Variants in DCP1B observed in about 807,000 individuals in gnomAD.
DCP1B encodes the protein decapping mRNA 1B, also known as mRNA-decapping enzyme 1B.
DCP1B carries 47 observed loss-of-function variants against 60.5 expected under a neutral mutation model. The observed-to-expected ratio is 0.78, with a 90% CI of 0.61 to 0.99. The LOEUF (loss-of-function observed/expected upper bound fraction) is 0.99, where lower values mean the gene tolerates loss of function less well. DCP1B is among the 50% of genes least tolerant of loss of function. The pLI is 0.00. For synonymous variants in DCP1B, 267 were observed against 280.3 expected, an observed-to-expected ratio of 0.95 and a Z score of 0.47; for missense variants, 725 against 756.8, an observed-to-expected ratio of 0.96 and a Z score of 0.49.
At chr12:1,999,592 G>A (rs6489342) in intron 1 of DCP1B, among the ~76,000 whole-genome samples, 23,587 of 151,962 alleles carry the variant, frequency 0.16, 1,925 homozygotes, top group East Asian at 0.21. Context: ...CAGGTGTGGT[G>A]GCACATGCCG....
At chr12:1,994,715 A>G (rs1279029186) in intron 2 of DCP1B, among the ~76,000 whole-genome samples, 1 of 152,244 alleles carries the variant, frequency 6.6e-6, no homozygotes, top group East Asian at 1.9e-4. Flanking sequence ...GTTTTCATAC[A>G]AGAATGAGAA....
At chr12:1,968,655 G>C (rs1488749805) in intron 3 of DCP1B, among the ~76,000 whole-genome samples, 1 of 152,086 alleles carries the variant, frequency 6.6e-6, no homozygotes, top group Non-Finnish European at 1.5e-5. Context: ...ATTATGCCTA[G>C]AAGCCTCCCT....
intron 7 of DCP1B, chr12:1,949,965 C>T (rs1387330420): frequency 4.2e-6 from 1 of 235,692 alleles, no homozygotes; most frequent in Non-Finnish European, 8.4e-6. Flanking sequence ...CTGAGTCTAA[C>T]TCCCTTGGCA....
At chr12:1,967,992 CA>C in intron 3 of DCP1B, 82 bp from the exon 4 acceptor site, 1 of 1,067,902 alleles carries the variant, frequency 9.4e-7, no homozygotes, top group South Asian at 1.4e-5. Flanking sequence ...ATCTTAAATA[CA>C]TAATAATCTA....
chr12:2,002,488 T>C (rs899460030), intron 1 of DCP1B, among the ~76,000 whole-genome samples: 1 of 152,248 alleles, frequency 6.6e-6, no homozygotes, highest in African/African-American at 2.4e-5. Flanking sequence ...ACATAACTCC[T>C]GTAATTAATG....
intron 3 of DCP1B, among the ~76,000 whole-genome samples, chr12:1,975,071 A>G (rs929717527): frequency 6.6e-6 from 1 of 152,196 alleles, no homozygotes; most frequent in African/African-American, 2.4e-5. Context: ...TTGACATAGC[A>G]GTAGTCTAGC....
At position 1,995,122 on chromosome 12, in the gene DCP1B, T is replaced by TA. The variant is rs1286998968; in HGVS notation, c.192-1732dup. Among the ~76,000 whole-genome samples the TA allele has an allele frequency of 2.0e-5, 3 of 152,278 alleles. No homozygotes were observed. The South Asian group carries it at 6.2e-4, about 32-fold the overall frequency. ...TTAATTGAGAGTTCCATTAGAGACTTAGAGTATAGTAAGAAATCCTTGAAA... is the reference window on the plus strand; with the variant it reads ...TTAATTGAGAGTTCCATTAGAGACTTAAGAGTATAGTAAGAAATCCTTGAAA... On this transcript the variant is annotated intron_variant, in intron 2 of 8. Coordinates refer to ENST00000280665, the MANE Select transcript of DCP1B (RefSeq NM_152640.5).
intron 3 of DCP1B, among the ~76,000 whole-genome samples, chr12:1,987,918 C>T (rs1860621956): frequency 2.6e-5 from 4 of 152,184 alleles, no homozygotes; most frequent in Admixed American, 2.6e-4. Context: ...CATATCATCA[C>T]CAAACTCTTA....
intron 1 of DCP1B, 110 bp downstream of exon 1, chr12:2,004,171 TC>T: frequency 6.8e-7 from 1 of 1,478,578 alleles, no homozygotes; most frequent in Non-Finnish European, 9.1e-7. Flanking sequence ...TCCACCCACT[TC>T]CAGGGCGTCA....
intron 2 of DCP1B, among the ~76,000 whole-genome samples, chr12:1,994,004 T>G (rs956618551): frequency 4.6e-5 from 7 of 152,166 alleles, no homozygotes; most frequent in Admixed American, 2.0e-4. Flanking sequence ...AGCAAACAGC[T>G]TCACAGATAA....
downstream of DCP1B, among the ~76,000 whole-genome samples, chr12:1,942,695 G>A (rs888057991): frequency 6.6e-6 from 1 of 152,070 alleles, no homozygotes; most frequent in African/African-American, 2.4e-5. Flanking sequence ...ATGACTACTG[G>A]GTAAATAACG....
intron 1 of DCP1B, among the ~76,000 whole-genome samples, chr12:1,998,446 G>T (rs987068557): frequency 3.7e-4 from 57 of 152,264 alleles, no homozygotes; most frequent in Middle Eastern, 3.4e-3. Flanking sequence ...CAGATGATCT[G>T]TCAATAACTT....
At chr12:2,002,694 A>G (rs148455970) in intron 1 of DCP1B, among the ~76,000 whole-genome samples, 4 of 152,330 alleles carry the variant, frequency 2.6e-5, no homozygotes, top group East Asian at 3.9e-4. Flanking sequence ...TGTCAAGTCA[A>G]CTTACAGAAC....
intron 3 of DCP1B, among the ~76,000 whole-genome samples, chr12:1,981,920 A>G (rs762472716): frequency 1.1e-4 from 17 of 152,194 alleles, no homozygotes; most frequent in Non-Finnish European, 1.6e-4. Context: ...GGGAAAGTGT[A>G]TATGTAGTTG....
chr12:1,965,601 T>A lies in DCP1B; in HGVS notation c.479A>T (p.Asp160Val). Residue 160 changes from aspartate to valine, a missense_variant, in exon 5 of 9, where the codon GAC becomes GTC. Transcript: ENST00000280665. ...GGCCTTGATGAGCATTCGTAAAATGTCTACTTCTTTGCCCTCTCCTGAATT... is the reference window on the plus strand; with the variant it reads ...GGCCTTGATGAGCATTCGTAAAATGACTACTTCTTTGCCCTCTCCTGAATT... ...ILNSGEGKEV[D>V]ILRMLIKAKD... The A allele has an allele frequency of 6.2e-7, 1 of 1,613,940 alleles. No individual in the cohort carries two copies. The highest frequency in any genetic ancestry group is 8.5e-7 in the Non-Finnish European group (1 of 1,179,910).
At chr12:1,970,752 T>A (rs144135299) in intron 3 of DCP1B, 106 of 180,892 alleles carry the variant, frequency 5.9e-4, no homozygotes, top group African/African-American at 2.4e-3. Flanking sequence ...ATCCAAGTTT[T>A]CCCGTAAAGC....
At chr12:1,977,495 C>T (rs997877750) in intron 3 of DCP1B, among the ~76,000 whole-genome samples, 2 of 152,190 alleles carry the variant, frequency 1.3e-5, no homozygotes, top group African/African-American at 4.8e-5. Context: ...CACATATACA[C>T]ATATAACAAT....
At chr12:1,997,096 A>G (rs2041115700) in intron 2 of DCP1B, among the ~76,000 whole-genome samples, 1 of 148,038 alleles carries the variant, frequency 6.8e-6, no homozygotes, top group African/African-American at 2.4e-5. Flanking sequence ...TTTGATATTA[A>G]TATCTGATAA....
downstream of DCP1B, among the ~76,000 whole-genome samples, chr12:1,944,980 A>G (rs908211484): frequency 1.3e-5 from 2 of 152,234 alleles, no homozygotes; most frequent in African/African-American, 4.8e-5. Flanking sequence ...AAGAAACTAT[A>G]TCAGAATGAA....
Sources: allele counts gnomAD v4.1 joint callset (sites outside exome capture counted in the v4.1 genomes callset), GRCh38; gene constraint gnomAD v4.1.1; transcripts MANE v1.5; gene names NCBI Gene and HGNC (gene_info 2026-07-23, HGNC 2026-07-21).